PRDM5: variants seen among roughly 807,000 people sequenced by gnomAD.
PRDM5 encodes the protein PR/SET domain 5, also known as PR domain zinc finger protein 5.
Under a neutral mutation model 81.2 loss-of-function variants are expected in PRDM5, and 56 were observed. The observed-to-expected ratio is 0.69, with a 90% CI of 0.56 to 0.86. PRDM5 has a LOEUF of 0.86. Ranked by LOEUF, PRDM5 falls within the 40% of genes least tolerant of loss-of-function variation. The pLI, the probability that PRDM5 is intolerant of heterozygous loss-of-function variation, is 0.00. For missense variants in PRDM5, 697 were observed against 770.1 expected (o/e 0.91, Z 1.12); for synonymous variants, 267 against 256.4 (o/e 1.04, Z -0.39).
intron 14 of PRDM5, among the ~76,000 whole-genome samples, chr4:120,741,907 A>C (rs1011475393): frequency 8.5e-5 from 13 of 152,298 alleles, no homozygotes; most frequent in African/African-American, 2.6e-4. Flanking sequence ...CAGCCAGCTC[A>C]AACTGGGTGG....
At chr4:120,723,792 T>C (rs1467162031) in intron 14 of PRDM5, among the ~76,000 whole-genome samples, 1 of 152,112 alleles carries the variant, frequency 6.6e-6, no homozygotes, top group East Asian at 1.9e-4. Context: ...GAATAATAAA[T>C]TGTCAGAGTT....
chr4:120,844,737 G>A (rs901593408), intron 3 of PRDM5, among the ~76,000 whole-genome samples: 2 of 152,126 alleles, frequency 1.3e-5, no homozygotes, highest in African/African-American at 2.4e-5. Context: ...ACAGTCACAC[G>A]TCTCTCACTT....
intron 12 of PRDM5, among the ~76,000 whole-genome samples, chr4:120,780,477 T>C (rs745692517): frequency 1.3e-5 from 2 of 152,118 alleles, no homozygotes; most frequent in South Asian, 2.1e-4. Context: ...TTAAAACCTT[T>C]AAGTGTATTT....
At chr4:120,754,787 A>T in intron 13 of PRDM5, 149 bp from the exon 14 acceptor site, 1 of 691,926 alleles carries the variant, frequency 1.4e-6, no homozygotes, top group Non-Finnish European at 2.6e-6. Flanking sequence ...GGCAGATCCA[A>T]GCATGGGTCG....
intron 13 of PRDM5, among the ~76,000 whole-genome samples, chr4:120,761,724 T>C (rs935908890): frequency 6.6e-6 from 1 of 152,110 alleles, no homozygotes; most frequent in Admixed American, 6.5e-5. Context: ...TACATGAAAT[T>C]AATAAAGAAA....
intron 5 of PRDM5, among the ~76,000 whole-genome samples, chr4:120,817,220 A>G (rs1578858673): frequency 6.6e-6 from 1 of 152,210 alleles, no homozygotes. Context: ...AGAATTTCTA[A>G]ATATGTAGTA....
At chr4:120,889,181 A>G (rs1385731778) in intron 2 of PRDM5, among the ~76,000 whole-genome samples, 1 of 152,154 alleles carries the variant, frequency 6.6e-6, no homozygotes, top group African/African-American at 2.4e-5. Flanking sequence ...AATTTCTTTG[A>G]AAGGTTTATT....
intron 14 of PRDM5, among the ~76,000 whole-genome samples, chr4:120,725,470 C>T (rs1291026742): frequency 3.3e-5 from 5 of 152,154 alleles, no homozygotes; most frequent in Non-Finnish European, 5.9e-5. Flanking sequence ...AAACAGATCA[C>T]ATTTCACTTT....
rs570872467 is a variant in PRDM5, at chr4:120,704,882, T to C, written c.1728+5427A>G. Among the ~76,000 whole-genome samples the C allele has an allele frequency of 2.6e-5, 4 of 152,234 alleles. No individual in the cohort carries two copies. In the South Asian group the frequency reaches 8.3e-4, roughly 32 times the overall value. ...ACAGGTACTGTGAGCGTGAAGAACA[T>C]GGCTCAGCTGGGGAAGTGAAAAGAA... On this transcript the variant is annotated intron_variant, in intron 15 of 15. Transcript: ENST00000264808.
intron 13 of PRDM5, among the ~76,000 whole-genome samples, chr4:120,769,871 T>G (rs1390937677): frequency 6.6e-6 from 1 of 152,200 alleles, no homozygotes; most frequent in Admixed American, 6.5e-5. Flanking sequence ...GAAGTCTTCC[T>G]GTTGAAAGAA....
At chr4:120,788,031 C>T (rs1421176749) in intron 10 of PRDM5, among the ~76,000 whole-genome samples, 2 of 152,104 alleles carry the variant, frequency 1.3e-5, no homozygotes, top group Non-Finnish European at 2.9e-5. Flanking sequence ...CAGGCAATCC[C>T]ACATACTGTA....
At chr4:120,797,293 A>G (rs1751470101) in intron 10 of PRDM5, among the ~76,000 whole-genome samples, 1 of 152,192 alleles carries the variant, frequency 6.6e-6, no homozygotes, top group Non-Finnish European at 1.5e-5. Flanking sequence ...GAAGGTGTAT[A>G]TACTATTACA....
chr4:120,755,603 T>C (rs1254111986), intron 13 of PRDM5, among the ~76,000 whole-genome samples: 1 of 152,224 alleles, frequency 6.6e-6, no homozygotes, highest in African/African-American at 2.4e-5. Flanking sequence ...AATCTGGATA[T>C]CATGTGCATT....
chr4:120,741,275 T>C (rs982191393), intron 14 of PRDM5, among the ~76,000 whole-genome samples: 2 of 152,134 alleles, frequency 1.3e-5, no homozygotes, highest in Non-Finnish European at 1.5e-5. Context: ...CCCTTTAGCA[T>C]ACAGCAGCCC....
rs542931397 is a variant in PRDM5 at position 120,800,004 on chromosome 4, T to C, written c.946-259A>G. Among the ~76,000 whole-genome samples, 3 of 152,320 alleles carry C rather than the reference T, an allele frequency of 2.0e-5. No homozygotes were observed. The East Asian group carries it at 5.8e-4, about 29-fold the overall frequency. ...ATACAGCTGTCCTATTTAGTACATATTAAATTTATACTCTGTAAAAAATTA... is the reference window on the plus strand; with the variant it reads ...ATACAGCTGTCCTATTTAGTACATACTAAATTTATACTCTGTAAAAAATTA... On this transcript the variant is annotated intron_variant, in intron 8 of 15. Coordinates refer to ENST00000264808, the MANE Select transcript of PRDM5 (RefSeq NM_018699.4).
chr4:120,843,530 C>T (rs1386264569), intron 3 of PRDM5, among the ~76,000 whole-genome samples: 3 of 151,768 alleles, frequency 2.0e-5, no homozygotes, highest in African/African-American at 7.3e-5. Context: ...ATGCAAGACC[C>T]CATCTCTACA....
At chr4:120,711,801 GTTTTATCACCATCT>G (rs1358190493) in intron 14 of PRDM5, among the ~76,000 whole-genome samples, 61 of 152,070 alleles carry the variant, frequency 4.0e-4, no homozygotes, top group African/African-American at 1.4e-3. Flanking sequence ...AGTCATCTAA[GTTTTATCACCATCT>G]TTTTATCACC....
intron 1 of PRDM5, among the ~76,000 whole-genome samples, chr4:120,920,610 A>G (rs752701705): frequency 5.3e-5 from 8 of 152,202 alleles, no homozygotes; most frequent in Non-Finnish European, 1.2e-4. Flanking sequence ...TTGGAAGGAA[A>G]AGGAACTGAA....
intron 14 of PRDM5, among the ~76,000 whole-genome samples, chr4:120,730,599 CT>C (rs1740109215): frequency 6.6e-6 from 1 of 152,126 alleles, no homozygotes; most frequent in South Asian, 2.1e-4. Context: ...TACTGTATTA[CT>C]TTTCTAAGAA....
Sources: allele counts gnomAD v4.1 joint callset (sites outside exome capture counted in the v4.1 genomes callset), GRCh38; gene constraint gnomAD v4.1.1; transcripts MANE v1.5; gene names NCBI Gene and HGNC (gene_info 2026-07-23, HGNC 2026-07-21).